RFX3: variants seen among roughly 807,000 people sequenced by gnomAD.
RFX3 encodes the protein regulatory factor X3, also known as transcription factor RFX3.
In RFX3, 14 loss-of-function variants were observed where a neutral mutation model predicts 98.6. The ratio of observed to expected loss-of-function variants is 0.14; its 90% confidence interval spans 0.09 to 0.22. RFX3 has a LOEUF of 0.22. RFX3 is among the 10% of genes least tolerant of loss of function. RFX3 has a pLI of 1.00. For missense variants in RFX3, 639 were observed against 926.9 expected, an observed-to-expected ratio of 0.69 and a Z score of 4.03; for synonymous variants, 383 against 328.4, an observed-to-expected ratio of 1.17 and a Z score of -1.80.
intron 2 of RFX3, among the ~76,000 whole-genome samples, chr9:3,374,105 C>G (rs1216529780): frequency 1.3e-5 from 2 of 151,928 alleles, no homozygotes; most frequent in Non-Finnish European, 2.9e-5. Flanking sequence ...CACACACACA[C>G]ACACACACAC....
At chr9:3,352,524 G>C (rs1232486677) in intron 2 of RFX3, among the ~76,000 whole-genome samples, 1 of 151,918 alleles carries the variant, frequency 6.6e-6, no homozygotes, top group Non-Finnish European at 1.5e-5. Flanking sequence ...CACTATGGCT[G>C]ATCACATCTT....
rs1397886764 is a variant in RFX3 at position 3,525,909 on chromosome 9, G to A, written c.-171C>T. ...ATGGCGCTTGATTCACAAGGCAACGGTTGCTATAACTCACAAAAGAGAGAG... is the reference window on the plus strand; with the variant it reads ...ATGGCGCTTGATTCACAAGGCAACGATTGCTATAACTCACAAAAGAGAGAG... On this transcript the variant is annotated 5_prime_UTR_variant, in exon 1 of 17. Transcript: ENST00000617270. 3 of 981,250 alleles carry A rather than the reference G, an allele frequency of 3.1e-6. No individual in the cohort carries two copies. Among genetic ancestry groups the A allele is most frequent in the Non-Finnish European group, 3.6e-6 (3 of 828,404 alleles). 60.8% of individuals were successfully genotyped at this position (981,250 alleles called of 1,614,324 possible). A position where few individuals can be genotyped will look rare whatever the true frequency, so the allele number is the denominator to read the frequency against.
chr9:3,281,390 T>C (rs1825895499), intron 7 of RFX3, among the ~76,000 whole-genome samples: 1 of 151,594 alleles, frequency 6.6e-6, no homozygotes, highest in Non-Finnish European at 1.5e-5. Flanking sequence ...AACCTTCCTG[T>C]TGAATCCTTT....
intron 4 of RFX3, among the ~76,000 whole-genome samples, chr9:3,307,448 A>T (rs1362120982): frequency 1.3e-5 from 2 of 152,162 alleles, no homozygotes; most frequent in African/African-American, 4.8e-5. Context: ...CAGGAAAACC[A>T]ACTTGGAAGC....
chr9:3,482,618 T>C (rs1166304363), intron 1 of RFX3, among the ~76,000 whole-genome samples: 1 of 152,210 alleles, frequency 6.6e-6, no homozygotes, highest in Non-Finnish European at 1.5e-5. Flanking sequence ...GCAGCTGATA[T>C]GGATACTGAA....
At chr9:3,344,813 T>C in intron 3 of RFX3, 1 of 713,390 alleles carries the variant, frequency 1.4e-6, no homozygotes, top group Middle Eastern at 2.3e-4. Context: ...TTTCATTTGG[T>C]ATAAATGCCA....
At chr9:3,267,109 C>T (rs1037618910) in intron 11 of RFX3, among the ~76,000 whole-genome samples, 4 of 151,916 alleles carry the variant, frequency 2.6e-5, no homozygotes. Context: ...AATCTGCTTA[C>T]TGAGATTGCT....
chr9:3,458,521 G>A (rs778576059), intron 1 of RFX3, among the ~76,000 whole-genome samples: 2 of 152,086 alleles, frequency 1.3e-5, no homozygotes, highest in East Asian at 3.8e-4. Flanking sequence ...AAGAGTAATG[G>A]AGGTGGGAAA....
chr9:3,330,313 T>C lies in RFX3; in HGVS notation c.420A>G (p.Ser140=), dbSNP rs769760777. Residue 140 remains serine (S), a synonymous_variant, in exon 4 of 17, where the codon TCA becomes TCG. Coordinates refer to ENST00000617270, the MANE Select transcript of RFX3 (RefSeq NM_001282116.2). ...SSGGTYLIGN[S]MENSGHSVTH... is the part of the protein sequence containing the mutation. ...TCACTGAGTGACCAGAATTCTCCATTGAGTTGCCGATCAGATAGGTTCCTC... is the reference window on the plus strand; with the variant it reads ...TCACTGAGTGACCAGAATTCTCCATCGAGTTGCCGATCAGATAGGTTCCTC... 4.3e-6 allele frequency: 7 copies of C among 1,613,974 alleles called. No homozygotes were observed. Among genetic ancestry groups the C allele is most frequent in the Middle Eastern group, 1.6e-4 (1 of 6,062 alleles).
chr9:3,305,153 T>C (rs949817939), intron 4 of RFX3, among the ~76,000 whole-genome samples: 3 of 152,026 alleles, frequency 2.0e-5, no homozygotes, highest in East Asian at 1.9e-4. Context: ...GCTGTGTCCA[T>C]ATTTGGGAAA....
At chr9:3,364,028 G>A (rs1224517152) in intron 2 of RFX3, among the ~76,000 whole-genome samples, 2 of 152,110 alleles carry the variant, frequency 1.3e-5, no homozygotes, top group African/African-American at 4.8e-5. Context: ...GGTGTGTGCT[G>A]CCATGCCCAA....
intron 15 of RFX3, among the ~76,000 whole-genome samples, chr9:3,246,358 G>A (rs148292049): frequency 2.0e-5 from 3 of 151,834 alleles, no homozygotes; most frequent in African/African-American, 7.2e-5. Context: ...TTTTAATTCT[G>A]GTGCCGCCTG....
chr9:3,405,393 C>T (rs1321484191), intron 1 of RFX3, among the ~76,000 whole-genome samples: 1 of 152,138 alleles, frequency 6.6e-6, no homozygotes, highest in Non-Finnish European at 1.5e-5. Context: ...AGCTACAGTT[C>T]TAGATTTTTA....
intron 4 of RFX3, among the ~76,000 whole-genome samples, chr9:3,317,616 C>T (rs1830776948): frequency 6.6e-6 from 1 of 152,154 alleles, no homozygotes; most frequent in African/African-American, 2.4e-5. Context: ...TTACAATCTA[C>T]CCATCTGACA....
intron 12 of RFX3, among the ~76,000 whole-genome samples, chr9:3,264,025 A>G (rs1408704985): frequency 6.6e-6 from 1 of 152,108 alleles, no homozygotes; most frequent in Non-Finnish European, 1.5e-5. Context: ...GATGGTTAGA[A>G]TTCCCACTAT....
chr9:3,365,060 G>C (rs944870167), intron 2 of RFX3, among the ~76,000 whole-genome samples: 1 of 152,012 alleles, frequency 6.6e-6, no homozygotes, highest in Non-Finnish European at 1.5e-5. Flanking sequence ...CCAGCACTTC[G>C]GGAGGCCGGG....
At chr9:3,304,214 A>G (rs1008040468) in intron 4 of RFX3, among the ~76,000 whole-genome samples, 1 of 152,058 alleles carries the variant, frequency 6.6e-6, no homozygotes, top group Non-Finnish European at 1.5e-5. Context: ...CGAGAAGCAT[A>G]CAAAAAATTA....
intron 1 of RFX3, among the ~76,000 whole-genome samples, chr9:3,500,855 A>C (rs1815925281): frequency 6.6e-6 from 1 of 152,222 alleles, no homozygotes; most frequent in Non-Finnish European, 1.5e-5. Context: ...TTATTAGTTG[A>C]GTATATTCAA....
At chr9:3,295,705 G>A (rs1586922600) in intron 5 of RFX3, among the ~76,000 whole-genome samples, 1 of 151,954 alleles carries the variant, frequency 6.6e-6, no homozygotes, top group Non-Finnish European at 1.5e-5. Flanking sequence ...TATTGTCAAA[G>A]GTATAATAGC....
Sources: gnomAD v4.1 joint callset for allele counts (sites outside exome capture counted in the v4.1 genomes callset) on GRCh38, gnomAD v4.1.1 for gene constraint, MANE v1.5 for transcripts, NCBI Gene and HGNC (gene_info 2026-07-23, HGNC 2026-07-21) for gene names.